The following ARHGEF38 variants were observed in gnomAD, a reference collection of about 807,000 sequenced individuals.
ARHGEF38 encodes the protein Rho guanine nucleotide exchange factor (GEF) 38.
ARHGEF38 carries 79 observed loss-of-function variants against 79.9 expected under a neutral mutation model. The ratio of observed to expected loss-of-function variants is 0.99; its 90% confidence interval spans 0.82 to 1.19. ARHGEF38 has a LOEUF of 1.19. ARHGEF38 is among the 50% of genes most tolerant of loss of function. The pLI is 0.00. For synonymous variants in ARHGEF38, 366 were observed against 328.3 expected, an observed-to-expected ratio of 1.11 and a Z score of -1.24; for missense variants, 962 against 907.2, an observed-to-expected ratio of 1.06 and a Z score of -0.78.
chr4:105,558,346 G>A (rs1219054627), intron 1 of ARHGEF38, among the ~76,000 whole-genome samples: 1 of 152,196 alleles, frequency 6.6e-6, no homozygotes, highest in African/African-American at 2.4e-5. Flanking sequence ...AAATTGTCCA[G>A]CTTCCTGTGC....
intron 1 of ARHGEF38, among the ~76,000 whole-genome samples, chr4:105,563,107 G>A (rs889196458): frequency 3.9e-5 from 6 of 152,074 alleles, no homozygotes; most frequent in African/African-American, 9.7e-5. Context: ...TTGCACTCCC[G>A]GCAGCTGAAA....
chr4:105,630,940 A>G lies in ARHGEF38; in HGVS notation c.551A>G (p.Tyr184Cys). The change falls in exon 4 of 14, where the codon TAT (tyrosine) becomes TGT (cysteine). Residue 184 changes from tyrosine to cysteine, a missense_variant. By Grantham distance (194) the Tyr-to-Cys change is radical. Transcript: ENST00000420470. The part of the protein sequence containing the change: ...LQIKGPLEDI[Y>C]KIYCYHHDEA... ...ATTAAAGGGCCACTGGAAGATATTT[A>G]TAAAATCTACTGCTATCACCATGAT... 1 of 1,612,598 alleles carries G rather than the reference A, an allele frequency of 6.2e-7. No individual in the cohort carries two copies. The highest frequency in any genetic ancestry group is 8.5e-7 in the Non-Finnish European group (1 of 1,179,490).
chr4:105,556,470 T>C (rs1051977123), intron 1 of ARHGEF38, among the ~76,000 whole-genome samples: 1 of 151,826 alleles, frequency 6.6e-6, no homozygotes, highest in Non-Finnish European at 1.5e-5. Context: ...ATGAAGGAGG[T>C]TGTCAGAAAA....
intron 5 of ARHGEF38, among the ~76,000 whole-genome samples, chr4:105,636,838 G>T (rs1560737635): frequency 6.6e-6 from 1 of 151,948 alleles, no homozygotes; most frequent in Non-Finnish European, 1.5e-5. Flanking sequence ...GAAAATATTA[G>T]ATTTCTTCTA....
chr4:105,553,052 A>T (rs1487569763), intron 1 of ARHGEF38, 91 bp downstream of exon 1: 4 of 1,046,062 alleles, frequency 3.8e-6, no homozygotes, highest in Non-Finnish European at 5.4e-6. Flanking sequence ...CACAAGGCAG[A>T]GGGGAAAATT....
intron 1 of ARHGEF38, among the ~76,000 whole-genome samples, chr4:105,577,261 C>A (rs1369311887): frequency 8.5e-6 from 1 of 117,070 alleles, no homozygotes; most frequent in Non-Finnish European, 1.7e-5. Flanking sequence ...CTCCCCCCAC[C>A]CCACAACAGT....
At chr4:105,648,843 T>TCC (rs1306795474) in intron 7 of ARHGEF38, among the ~76,000 whole-genome samples, 161 bp downstream of exon 7, 1 of 150,484 alleles carries the variant, frequency 6.6e-6, no homozygotes, top group African/African-American at 2.5e-5. Flanking sequence ...TCTCTCTCTC[T>TCC]CTCTTTCTCT....
At chr4:105,569,114 G>A (rs1370247262) in intron 1 of ARHGEF38, among the ~76,000 whole-genome samples, 2 of 152,196 alleles carry the variant, frequency 1.3e-5, no homozygotes, top group East Asian at 1.9e-4. Flanking sequence ...ATAATAAGCT[G>A]TGTACTTTAG....
At chr4:105,561,474 A>AGAATGGAATGGAATGGAATAGAATG (rs1560684594) in intron 1 of ARHGEF38, 8 of 50,776 alleles carry the variant, frequency 1.6e-4, no homozygotes, top group Non-Finnish European at 2.9e-4. Flanking sequence ...AGAATAGAAT[A>AGAATGGAATGGAATGGAATAGAATG]GAATAGAATA....
At chr4:105,653,454 C>G (rs1730192516) in intron 7 of ARHGEF38, among the ~76,000 whole-genome samples, 4 of 151,832 alleles carry the variant, frequency 2.6e-5, no homozygotes, top group Non-Finnish European at 1.5e-5. Flanking sequence ...TCCTGAGTAT[C>G]TGGGACTACA....
chr4:105,608,099 C>A (rs1439737219), intron 2 of ARHGEF38, among the ~76,000 whole-genome samples: 1 of 152,090 alleles, frequency 6.6e-6, no homozygotes, highest in African/African-American at 2.4e-5. Context: ...TCTAGACAGC[C>A]ATCTTTTAGC....
intron 2 of ARHGEF38, among the ~76,000 whole-genome samples, chr4:105,602,327 C>CTT (rs1333388228): frequency 6.6e-6 from 1 of 152,092 alleles, no homozygotes; most frequent in East Asian, 1.9e-4. Flanking sequence ...AATTTGAGAT[C>CTT]TTTTCTGTAG....
intron 2 of ARHGEF38, among the ~76,000 whole-genome samples, chr4:105,604,965 G>A (rs1300192648): frequency 1.3e-5 from 2 of 152,058 alleles, no homozygotes; most frequent in Non-Finnish European, 2.9e-5. Flanking sequence ...AAATCATAGT[G>A]TTTAGTCTAT....
At chr4:105,590,901 A>G (rs948649197) in intron 2 of ARHGEF38, among the ~76,000 whole-genome samples, 8 of 151,990 alleles carry the variant, frequency 5.3e-5, no homozygotes, top group Non-Finnish European at 1.0e-4. Flanking sequence ...ATTCATATCC[A>G]TGTTTTTTGC....
intron 1 of ARHGEF38, among the ~76,000 whole-genome samples, chr4:105,570,489 G>A (rs1323161953): frequency 6.6e-6 from 1 of 152,098 alleles, no homozygotes; most frequent in Admixed American, 6.6e-5. Context: ...ACAGGGCTGG[G>A]GAGGCCTCAG....
chr4:105,646,287 A>C (rs1390598219), intron 6 of ARHGEF38, among the ~76,000 whole-genome samples: 1 of 152,244 alleles, frequency 6.6e-6, no homozygotes, highest in Non-Finnish European at 1.5e-5. Context: ...ATGAAGAGAT[A>C]GTATACAAAG....
chr4:105,569,055 A>G (rs1230341657), intron 1 of ARHGEF38, among the ~76,000 whole-genome samples: 2 of 152,210 alleles, frequency 1.3e-5, no homozygotes, highest in Non-Finnish European at 2.9e-5. Context: ...AAACAATATC[A>G]GAGGGGAACC....
intron 6 of ARHGEF38, among the ~76,000 whole-genome samples, chr4:105,646,489 A>G (rs1372997848): frequency 6.6e-6 from 1 of 152,376 alleles, no homozygotes; most frequent in Non-Finnish European, 1.5e-5. Flanking sequence ...GGAAAAAGTA[A>G]TGAATACGCT....
In ARHGEF38 at chr4:105,666,340, T is replaced by C; in HGVS notation, c.1689+20T>C. On this transcript the variant is annotated intron_variant, in intron 11 of 13. Transcript: ENST00000420470. ...ATTCTGGTGAGTTTGGCAGCATTCA[T>C]GACAATGATAACTTTCACCTCTTTG... is the stretch of plus-strand genomic sequence containing the variant. 6.6e-7 allele frequency: 1 copy of C among 1,505,360 alleles called. No individual in the cohort carries two copies. Among genetic ancestry groups the C allele is most frequent in the Non-Finnish European group, 8.8e-7 (1 of 1,135,592 alleles). The allele number at this position is 1,505,360 out of a possible 1,614,324, so 93.3% of individuals were successfully genotyped here.
Sources: gnomAD v4.1 joint callset for allele counts (sites outside exome capture counted in the v4.1 genomes callset) on GRCh38, gnomAD v4.1.1 for gene constraint, MANE v1.5 for transcripts, NCBI Gene and HGNC (gene_info 2026-07-23, HGNC 2026-07-21) for gene names.